Variants in POC5 observed in about 807,000 individuals in gnomAD.
POC5 encodes the protein POC5 centriolar protein, also known as centrosomal protein POC5.
A neutral mutation model predicts 62.9 loss-of-function variants in POC5; 48 were observed. That is an observed-to-expected ratio of 0.76 (90% CI 0.61 to 0.97). The LOEUF (loss-of-function observed/expected upper bound fraction) is 0.97. Ranked by LOEUF, POC5 falls within the 50% of genes least tolerant of loss-of-function variation. POC5 has a pLI of 0.00. For missense variants in POC5, 696 were observed against 679.5 expected, an observed-to-expected ratio of 1.02 and a Z score of -0.27; for synonymous variants, 236 against 228.2, an observed-to-expected ratio of 1.03 and a Z score of -0.31.
At position 75,702,924 on chromosome 5, in the gene POC5, T is replaced by C. The variant is rs571619870; in HGVS notation, c.308-114A>G. ...GCTACTTATGGAGGCTGAGAAAAAA[T>C]GCAGAGAAACTACCTTTCAGGTGTA... is the stretch of plus-strand genomic sequence containing the variant. On this transcript the variant is annotated intron_variant, in intron 4 of 11. Coordinates refer to ENST00000428202, the MANE Select transcript of POC5 (RefSeq NM_001099271.2). The C allele has an allele frequency of 7.9e-5, 62 of 784,912 alleles. No homozygotes were observed. The African/African-American group carries it at 9.1e-4, about 12-fold the overall frequency. The allele number at this position is 784,912 out of a possible 1,614,324, so 48.6% of individuals were successfully genotyped here. A position where few individuals can be genotyped will look rare whatever the true frequency, so the allele number is the denominator to read the frequency against.
At chr5:75,684,643 G>A (rs991969467) in intron 10 of POC5, among the ~76,000 whole-genome samples, 2 of 152,062 alleles carry the variant, frequency 1.3e-5, no homozygotes, top group Admixed American at 6.5e-5. Context: ...GATTACAGGC[G>A]TGAGCCACCG....
intron 9 of POC5, among the ~76,000 whole-genome samples, chr5:75,686,154 C>T (rs1017616427): frequency 2.0e-5 from 3 of 152,146 alleles, no homozygotes; most frequent in African/African-American, 4.8e-5. Context: ...GAACCTTAAT[C>T]TTGATCTAAG....
intron 1 of POC5, among the ~76,000 whole-genome samples, chr5:75,713,874 C>T (rs1474474576): frequency 3.3e-5 from 5 of 151,996 alleles, no homozygotes; most frequent in South Asian, 2.1e-4. Flanking sequence ...ATGTATGCCA[C>T]GAACAGCAAG....
chr5:75,705,815 A>C, intron 3 of POC5, 28 bp from the exon 4 acceptor site: 1 of 1,351,092 alleles, frequency 7.4e-7, no homozygotes, highest in Non-Finnish European at 1.0e-6. Context: ...TTTTAAAATT[A>C]AACTGAACCA....
At chr5:75,690,150 T>G (rs1327133530) in intron 8 of POC5, among the ~76,000 whole-genome samples, 1 of 152,112 alleles carries the variant, frequency 6.6e-6, no homozygotes, top group African/African-American at 2.4e-5. Flanking sequence ...AAGTGCTGGG[T>G]CTACAGGAGT....
At chr5:75,677,983 G>C in intron 10 of POC5, 33 bp from the exon 11 acceptor site, 1 of 1,439,346 alleles carries the variant, frequency 6.9e-7, no homozygotes, top group Non-Finnish European at 9.2e-7. Context: ...GAAGTAACAA[G>C]GTGGCAGAAA....
chr5:75,716,231 T>C (rs1355875623), intron 1 of POC5, among the ~76,000 whole-genome samples: 1 of 152,134 alleles, frequency 6.6e-6, no homozygotes, highest in Admixed American at 6.5e-5. Context: ...TGTCTTTAGT[T>C]AAGCCAATTA....
In POC5 at chr5:75,707,719, T is replaced by C. The variant is rs745448464; in HGVS notation, c.223+18A>G. ...GTAATATTTTAAATTAAGAGATATC[T>C]TGAAAAATATATATAACCTTGACTA... On this transcript the variant is annotated intron_variant, in intron 3 of 11. Coordinates refer to ENST00000428202, the MANE Select transcript of POC5 (RefSeq NM_001099271.2). The C allele has an allele frequency of 6.7e-7, 1 of 1,490,666 alleles. No individual in the cohort carries two copies. 92.3% of individuals were successfully genotyped at this position (1,490,666 alleles called of 1,614,324 possible).
intron 9 of POC5, among the ~76,000 whole-genome samples, chr5:75,686,943 A>G (rs1016356360): frequency 6.6e-6 from 1 of 152,232 alleles, no homozygotes; most frequent in Non-Finnish European, 1.5e-5. Flanking sequence ...ACAGCAAAGA[A>G]TCGGTACAAA....
At chr5:75,716,055 T>C (rs1471434426) in intron 1 of POC5, among the ~76,000 whole-genome samples, 1 of 151,364 alleles carries the variant, frequency 6.6e-6, no homozygotes, top group African/African-American at 2.4e-5. Flanking sequence ...GGCTGAAAAA[T>C]AAATGAGAGA....
At chr5:75,712,280 G>T in intron 2 of POC5, 1 of 1,366,908 alleles carries the variant, frequency 7.3e-7, no homozygotes, top group Non-Finnish European at 1.0e-6. Flanking sequence ...ATCTACTCCA[G>T]AAATCTAAAT....
chr5:75,697,372 A>G (rs1776651886), intron 5 of POC5, among the ~76,000 whole-genome samples: 1 of 149,662 alleles, frequency 6.7e-6, no homozygotes, highest in Non-Finnish European at 1.5e-5. Flanking sequence ...CAGAAACTCT[A>G]CAAGCCAGAA....
intron 2 of POC5, among the ~76,000 whole-genome samples, chr5:75,710,339 C>T (rs761525709): frequency 5.3e-5 from 8 of 152,138 alleles, no homozygotes; most frequent in South Asian, 2.1e-4. Context: ...TATGGAGTTA[C>T]GGAGTCTGAA....
Position 75,702,827 on chromosome 5 carries a change from T to G in POC5, c.308-17A>C. 6.5e-7 allele frequency: 1 copy of G among 1,534,206 alleles called. No homozygotes were observed. The highest frequency in any genetic ancestry group is 2.4e-5 in the East Asian group (1 of 41,620). The stretch of plus-strand genomic sequence containing the variant: ...GTGATGACTCTGAATAAAAGAAAAG[T>G]TGTAGCTGTCAAGCCAAATTGAAAA... On this transcript the variant is annotated splice_polypyrimidine_tract_variant and intron_variant, in intron 4 of 11. Transcript: ENST00000428202.
chr5:75,711,776 G>A (rs72633988), intron 2 of POC5, among the ~76,000 whole-genome samples: 25,687 of 152,062 alleles, frequency 0.17, 2,383 homozygotes, highest in South Asian at 0.21. Context: ...ATAATTTCTG[G>A]CAGGTTCTTC....
At chr5:75,699,211 C>A (rs1580041109) in intron 5 of POC5, among the ~76,000 whole-genome samples, 2 of 152,298 alleles carry the variant, frequency 1.3e-5, no homozygotes, top group East Asian at 3.9e-4. Context: ...CTCCCTAACT[C>A]ATTTTATGAG....
chr5:75,690,601 A>T (rs1776289038), intron 7 of POC5, 39 bp from the exon 8 acceptor site: 7 of 1,425,448 alleles, frequency 4.9e-6, no homozygotes, highest in Non-Finnish European at 6.7e-6. Flanking sequence ...AACACAGTTG[A>T]TTGATAAATA....
In POC5 at chr5:75,707,747, A is replaced by G. The variant is rs775344211; in HGVS notation, c.213T>C (p.Leu71=). The part of the protein sequence containing the change: ...DVRISTIHDI[L]HSQGNNSEVR... ...AAAAATATATATAACCTTGACTATG[A>G]AGAATATCATGAATTGTAGAAATTC... is the stretch of plus-strand genomic sequence containing the variant. Residue 71 remains leucine (L), a synonymous_variant, in exon 3 of 12, where the codon CTT becomes CTC. Transcript: ENST00000428202. 5.2e-6 allele frequency: 8 copies of G among 1,539,848 alleles called. No individual in the cohort carries two copies. The South Asian group carries it at 9.5e-5, about 18-fold the overall frequency.
chr5:75,705,879 T>C, intron 3 of POC5, 92 bp from the exon 4 acceptor site: 1 of 747,254 alleles, frequency 1.3e-6, no homozygotes, highest in Non-Finnish European at 2.1e-6. Flanking sequence ...CAGTACATAA[T>C]ATTTTAGAAC....
Sources: gnomAD v4.1 joint callset for allele counts (sites outside exome capture counted in the v4.1 genomes callset) on GRCh38, gnomAD v4.1.1 for gene constraint, MANE v1.5 for transcripts, NCBI Gene and HGNC (gene_info 2026-07-23, HGNC 2026-07-21) for gene names.